Variants in BBS2 observed in about 807,000 individuals in gnomAD.
BBS2 encodes BBSome complex member BBS2.
In BBS2, 62 loss-of-function variants were observed where a neutral mutation model predicts 83.0. That is an observed-to-expected ratio of 0.75 (90% CI 0.61 to 0.92). The LOEUF (loss-of-function observed/expected upper bound fraction) is 0.92. BBS2 is among the 40% of genes least tolerant of loss of function. BBS2 has a pLI of 0.00. For synonymous variants in BBS2, 303 were observed against 326.1 expected, an observed-to-expected ratio of 0.93 and a Z score of 0.76; for missense variants, 784 against 901.0, an observed-to-expected ratio of 0.87 and a Z score of 1.66.
In BBS2 at chr16:56,496,982, C is replaced by T. The variant is rs138043021; in HGVS notation, c.1895G>A (p.Arg632His). The change falls in exon 15 of 17, where the codon CGT becomes CAT. Residue 632 changes from arginine (R) to histidine (H), a missense_variant. Physicochemically the swap from Arg to His is conservative, Grantham distance 29 (BLOSUM62 0). Coordinates refer to ENST00000245157, the MANE Select transcript of BBS2 (RefSeq NM_031885.5). The stretch of plus-strand genomic sequence containing the variant: ...AAATACTCACATGTCCCTCATCAGA[C>T]GAGCATCCTCAGCTCCGACCAGCAA... ...RSLLVGAEDA[R>H]LMRDMKTMKS... 46 of 1,613,454 alleles carry T rather than the reference C, an allele frequency of 2.9e-5. No individual in the cohort carries two copies. Among genetic ancestry groups the T allele is most frequent in the South Asian group, 2.0e-4 (18 of 91,090 alleles).
chr16:56,470,660 C>A, exon 18 of BBS2: 1 of 1,614,204 alleles, frequency 6.2e-7, no homozygotes, highest in Non-Finnish European at 8.5e-7. Context: ...GCAGAAACCA[C>A]TGATATCACT....
chr16:56,491,210 A>T (rs1963942073), intron 15 of BBS2, among the ~76,000 whole-genome samples: 5 of 152,172 alleles, frequency 3.3e-5, no homozygotes, highest in Admixed American at 1.3e-4. Flanking sequence ...ACTCATGTTG[A>T]AGTTGAAATG....
Position 56,498,434 on chromosome 16 carries a change from T to C in BBS2, c.1659+3A>G, listed in dbSNP as rs6499838. On this transcript the variant is annotated splice_donor_region_variant and intron_variant, in intron 13 of 16. Coordinates refer to ENST00000245157, the MANE Select transcript of BBS2 (RefSeq NM_031885.5). ...ATCTATGCCCCGTGATATTAAACAT[T>C]ACCTCTCCACTAAGTTTTATTTTTA... 10,654 of 1,613,902 alleles carry C rather than the reference T, an allele frequency of 6.6e-3. 622 individuals are homozygous for C. In the African/African-American group the frequency reaches 0.12, roughly 18 times the overall value.
intron 15 of BBS2, among the ~76,000 whole-genome samples, chr16:56,491,725 C>CAAAAAAAAAAAAAA (rs773397021): frequency 4.6e-5 from 2 of 43,204 alleles, no homozygotes; most frequent in Non-Finnish European, 9.2e-5. Context: ...AACTCAACAG[C>CAAAAAAAAAAAAAA]AAAAAAAAAA....
At chr16:56,494,859 G>C (rs1234933823) in intron 15 of BBS2, among the ~76,000 whole-genome samples, 1 of 151,972 alleles carries the variant, frequency 6.6e-6, no homozygotes, top group African/African-American at 2.4e-5. Flanking sequence ...CTACTCGGGA[G>C]GCTGAGGCAG....
intron 14 of BBS2, 65 bp downstream of exon 14, chr16:56,497,678 A>G (rs1263386648): frequency 3.1e-6 from 5 of 1,594,628 alleles, no homozygotes; most frequent in Non-Finnish European, 1.7e-6. Context: ...TTGTAGTACC[A>G]TTAATCTCCT....
intron 1 of BBS2, among the ~76,000 whole-genome samples, chr16:56,517,538 A>G (rs1268800837): frequency 6.6e-6 from 1 of 152,344 alleles, no homozygotes; most frequent in East Asian, 1.9e-4. Context: ...TAAGACACCA[A>G]GCTCCCATCA....
At chr16:56,483,619 C>A (rs1453497859), downstream of BBS2, among the ~76,000 whole-genome samples, 4 of 152,132 alleles carry the variant, frequency 2.6e-5, no homozygotes, top group African/African-American at 9.7e-5. Flanking sequence ...AGTAATCACT[C>A]TAAATTGACT....
chr16:56,494,733 C>T (rs898977149), intron 15 of BBS2, among the ~76,000 whole-genome samples: 1 of 152,072 alleles, frequency 6.6e-6, no homozygotes, highest in Non-Finnish European at 1.5e-5. Flanking sequence ...GAGGCTGAGG[C>T]GGGCAGATCA....
intron 1 of BBS2, among the ~76,000 whole-genome samples, chr16:56,516,805 C>A (rs184363101): frequency 1.7e-4 from 26 of 152,218 alleles, no homozygotes; most frequent in Admixed American, 1.4e-3. Context: ...CAGGCTTTAA[C>A]CCTAGCTGGA....
At chr16:56,497,518 T>C in intron 14 of BBS2, 1 of 599,202 alleles carries the variant, frequency 1.7e-6, no homozygotes, top group South Asian at 2.0e-5. Context: ...ATGCATCACT[T>C]TAAACCAAAC....
chr16:56,515,133 T>G (rs1387750171), intron 1 of BBS2, among the ~76,000 whole-genome samples: 1 of 152,230 alleles, frequency 6.6e-6, no homozygotes, highest in African/African-American at 2.4e-5. Context: ...CTTAAAATGG[T>G]CTGCTAGTTA....
Position 56,514,467 on chromosome 16 carries a change from A to T in BBS2, c.331T>A (p.Leu111Met). The change falls in exon 2 of 17, where the codon TTG (leucine) becomes ATG (methionine). Residue 111 changes from leucine to methionine, a missense_variant. Leu to Met is a conservative substitution (Grantham distance 15, BLOSUM62 2). Coordinates refer to ENST00000245157, the MANE Select transcript of BBS2 (RefSeq NM_031885.5). ...LAYDVYNNSD[L>M]FYREVADGAN... ...GTTATACTTGCCTCTCTGTAGAACA[A>T]ATCCGAATTATTGTAGACATCATAA... 1.9e-6 allele frequency: 3 copies of T among 1,614,146 alleles called. No homozygotes were observed. The highest frequency in any genetic ancestry group is 2.5e-6 in the Non-Finnish European group (3 of 1,179,960).
At chr16:56,500,126 C>T (rs1964225354) in intron 11 of BBS2, 1 of 515,180 alleles carries the variant, frequency 1.9e-6, no homozygotes, top group Non-Finnish European at 3.5e-6. Context: ...CCTGCATGCA[C>T]TAAGGGTTTA....
In BBS2 at chr16:56,499,866, C is replaced by A; in HGVS notation, c.1439G>T (p.Arg480Leu). Residue 480 changes from arginine (R) to leucine (L), a missense_variant, in exon 12 of 17, where the codon CGA (arginine) becomes CTA (leucine). Physicochemically the swap from Arg to Leu is moderately radical, Grantham distance 102 (BLOSUM62 -2). Coordinates refer to ENST00000245157, the MANE Select transcript of BBS2 (RefSeq NM_031885.5). ...HVFESTRQLP[R>L]FSMYALTSLD... Reference sequence around the variant, plus strand: ...GCTGGTCAGCGCATACATGGAGAATCGAGGGAGCTGTCTTGTCGATTCAAA... The same window carrying A: ...GCTGGTCAGCGCATACATGGAGAATAGAGGGAGCTGTCTTGTCGATTCAAA... The A allele has an allele frequency of 1.2e-6, 2 of 1,614,100 alleles. No homozygotes were observed. The highest frequency in any genetic ancestry group is 1.1e-5 in the South Asian group (1 of 91,068).
At chr16:56,498,297 G>C (rs1298307219) in intron 13 of BBS2, 140 bp downstream of exon 13, 1 of 1,119,598 alleles carries the variant, frequency 8.9e-7, no homozygotes, top group African/African-American at 1.6e-5. Context: ...TTATGACCTT[G>C]ACATTGATGT....
intron 15 of BBS2, among the ~76,000 whole-genome samples, chr16:56,487,278 T>A (rs1005674789): frequency 6.6e-6 from 1 of 151,690 alleles, no homozygotes; most frequent in Non-Finnish European, 1.5e-5. Context: ...GATAGAGAGA[T>A]AGAGAAACTA....
chr16:56,493,302 C>A (rs1964016045), intron 15 of BBS2, among the ~76,000 whole-genome samples: 1 of 149,084 alleles, frequency 6.7e-6, no homozygotes, highest in South Asian at 2.1e-4. Context: ...GAGATGATCC[C>A]TTGAGCCCGG....
chr16:56,479,591 C>G (rs141545290), downstream of BBS2, among the ~76,000 whole-genome samples: 449 of 152,366 alleles, frequency 2.9e-3, 3 homozygotes, highest in South Asian at 5.0e-3. Context: ...ATGACAGCCA[C>G]TGGTAGCTTT....
Sources: gnomAD v4.1 joint callset for allele counts (sites outside exome capture counted in the v4.1 genomes callset) on GRCh38, gnomAD v4.1.1 for gene constraint, MANE v1.5 for transcripts, NCBI Gene and HGNC (gene_info 2026-07-23, HGNC 2026-07-21) for gene names.